Variants in GRIP1 observed in about 807,000 individuals in gnomAD.
GRIP1 encodes the protein glutamate receptor interacting protein 1.
Under a neutral mutation model 129.9 loss-of-function variants are expected in GRIP1, and 45 were observed. That is an observed-to-expected ratio of 0.35 (90% CI 0.27 to 0.44). The LOEUF is 0.44. Among genes scored for constraint, GRIP1 ranks in the 20% least tolerant of loss-of-function variants. GRIP1 has a pLI of 1.00. For synonymous variants in GRIP1, 530 were observed against 520.8 expected (o/e 1.02, Z -0.24); for missense variants, 1,196 against 1,396.8 (o/e 0.86, Z 2.29).
At chr12:66,575,456 C>T (rs1376354938) in intron 2 of GRIP1, among the ~76,000 whole-genome samples, 1 of 152,170 alleles carries the variant, frequency 6.6e-6, no homozygotes, top group Non-Finnish European at 1.5e-5. Flanking sequence ...CTAGATAACA[C>T]TTGATATAAT....
At chr12:66,430,733 A>G (rs1297797647) in intron 14 of GRIP1, among the ~76,000 whole-genome samples, 2 of 152,232 alleles carry the variant, frequency 1.3e-5, no homozygotes, top group Non-Finnish European at 2.9e-5. Context: ...GAATACATCT[A>G]TTGTATAAAA....
At chr12:66,741,335 C>G (rs924449014) in intron 1 of GRIP1, among the ~76,000 whole-genome samples, 1 of 152,144 alleles carries the variant, frequency 6.6e-6, no homozygotes, top group Admixed American at 6.6e-5. Flanking sequence ...TCTCTTTACT[C>G]ATCTCCACCT....
intron 9 of GRIP1, among the ~76,000 whole-genome samples, chr12:66,461,620 G>A (rs954940029): frequency 6.6e-6 from 1 of 152,162 alleles, no homozygotes; most frequent in African/African-American, 2.4e-5. Flanking sequence ...AATCTGATAA[G>A]GGTAATGTTG....
At chr12:66,451,024 G>A (rs1013069858) in intron 11 of GRIP1, among the ~76,000 whole-genome samples, 2 of 152,154 alleles carry the variant, frequency 1.3e-5, no homozygotes, top group Non-Finnish European at 2.9e-5. Flanking sequence ...CAAGCTACCG[G>A]CTTTGGCTGA....
intron 1 of GRIP1, among the ~76,000 whole-genome samples, chr12:66,696,616 A>G (rs1396084292): frequency 6.6e-6 from 1 of 151,472 alleles, no homozygotes; most frequent in East Asian, 1.9e-4. Flanking sequence ...CCCCGTCTCT[A>G]CTAAAAAAAA....
chr12:66,732,095 C>T (rs1156880307), intron 1 of GRIP1, among the ~76,000 whole-genome samples: 6 of 152,128 alleles, frequency 3.9e-5, no homozygotes, highest in Non-Finnish European at 7.4e-5. Flanking sequence ...TGTGGGTCCA[C>T]TTATATGTAG....
At chr12:67,054,070 A>G (rs895464264) in intron 1 of GRIP1, among the ~76,000 whole-genome samples, 2 of 152,200 alleles carry the variant, frequency 1.3e-5, no homozygotes, top group Non-Finnish European at 2.9e-5. Context: ...TAGGTCCCCA[A>G]TTCTTCTTCA....
chr12:66,517,854 C>T lies in GRIP1; in HGVS notation c.578+47G>A, dbSNP rs761354638. ...TCAACTTCTATGTTAAAGTCCCCAG[C>T]TTTATTTATTCTATTTTGGATAGTG... On this transcript the variant is annotated intron_variant, in intron 6 of 24. Coordinates refer to ENST00000359742, the MANE Select transcript of GRIP1 (RefSeq NM_001366722.1). 3.0e-6 allele frequency: 3 copies of T among 984,476 alleles called. No individual in the cohort carries two copies. In the South Asian group the frequency reaches 3.9e-5, roughly 13 times the overall value. The allele number at this position is 984,476 out of a possible 1,614,324, so 61.0% of individuals were successfully genotyped here.
intron 1 of GRIP1, among the ~76,000 whole-genome samples, chr12:66,672,181 T>C (rs1193377631): frequency 2.0e-5 from 3 of 152,232 alleles, no homozygotes. Context: ...TCTTTAGTGA[T>C]ATTTAGTTTT....
chr12:66,489,207 A>G (rs917239795), intron 7 of GRIP1, among the ~76,000 whole-genome samples: 6 of 152,204 alleles, frequency 3.9e-5, no homozygotes, highest in African/African-American at 7.2e-5. Context: ...ATGAACATCA[A>G]TGCAAAAATC....
chr12:66,873,007 C>A lies in GRIP1; in HGVS notation c.58+196043G>T, dbSNP rs367610235. 3.3e-5 allele frequency among the ~76,000 whole-genome samples: 5 copies of A among 152,194 alleles called. No homozygotes were observed. In the East Asian group the frequency reaches 7.7e-4, roughly 24 times the overall value. ...GGCAATGCTTCTCACTAAATCACAT[C>A]TGTTGCCTGGGCTGATAAGACTCAA... On this transcript the variant is annotated intron_variant, in intron 1 of 1. Transcript: ENST00000643019.
intron 1 of GRIP1, among the ~76,000 whole-genome samples, chr12:67,046,336 A>T (rs1565654086): frequency 6.6e-6 from 1 of 152,112 alleles, no homozygotes; most frequent in Non-Finnish European, 1.5e-5. Context: ...ATCAAATCTC[A>T]AGTGAAAAAA....
rs867574438 is a variant in GRIP1, at chr12:66,476,821, T to G, written c.725-11399A>C. The stretch of plus-strand genomic sequence containing the variant: ...CTGCAGAAAAGGCCTTTGACAATAT[T>G]CAACAGCCCTTCATGCTAAAAACTC... On this transcript the variant is annotated intron_variant, in intron 7 of 24. Coordinates refer to ENST00000359742, the MANE Select transcript of GRIP1 (RefSeq NM_001366722.1). 2.0e-5 allele frequency among the ~76,000 whole-genome samples: 3 copies of G among 152,168 alleles called. No homozygotes were observed. The South Asian group carries it at 6.2e-4, about 32-fold the overall frequency.
At chr12:66,965,441 G>A (rs1334974814) in intron 1 of GRIP1, among the ~76,000 whole-genome samples, 1 of 151,712 alleles carries the variant, frequency 6.6e-6, no homozygotes, top group Non-Finnish European at 1.5e-5. Context: ...CTTCAATATG[G>A]TAGATCTTCA....
At chr12:66,457,908 A>G (rs1379024112) in intron 9 of GRIP1, among the ~76,000 whole-genome samples, 2 of 152,184 alleles carry the variant, frequency 1.3e-5, no homozygotes, top group African/African-American at 4.8e-5. Flanking sequence ...GAAATCATCT[A>G]CCTCACAGGG....
intron 3 of GRIP1, among the ~76,000 whole-genome samples, chr12:66,540,137 A>G (rs1356201117): frequency 6.6e-6 from 1 of 152,198 alleles, no homozygotes; most frequent in African/African-American, 2.4e-5. Flanking sequence ...ATGCTCTGTA[A>G]TAACTTCTGT....
At chr12:66,675,731 GA>G (rs1449786998) in intron 1 of GRIP1, among the ~76,000 whole-genome samples, 2 of 152,190 alleles carry the variant, frequency 1.3e-5, no homozygotes, top group African/African-American at 2.4e-5. Context: ...TCTCATTCTG[GA>G]GGAAGAAAAG....
Position 66,529,889 on chromosome 12 carries a change from G to A in GRIP1, c.444C>T (p.Phe148=), listed in dbSNP as rs1161114853. Residue 148 remains phenylalanine (F), a synonymous_variant, in exon 5 of 25, where the codon TTC becomes TTT. Transcript: ENST00000359742. ...PVSVQGSSVI[F]RTVEVTLHKE... is the part of the protein sequence containing the mutation. ...TATGTAATGTGACCTCCACTGTTCG[G>A]AAAATAACACTTGATCCTTGCACAG... The A allele has an allele frequency of 3.7e-6, 6 of 1,601,684 alleles. No homozygotes were observed. The highest frequency in any genetic ancestry group is 5.1e-6 in the Non-Finnish European group (6 of 1,168,828).
Position 66,667,383 on chromosome 12 carries a change from G to A in GRIP1, c.55+11467C>T, listed in dbSNP as rs145533346. On this transcript the variant is annotated intron_variant, in intron 1 of 24. Transcript: ENST00000359742. The stretch of plus-strand genomic sequence containing the variant: ...ATGCAATATTCACTTGAATGCTTCT[G>A]AGGCTACTCATTAGAATTTTTAAAA... Among the ~76,000 whole-genome samples, 711 of 152,212 alleles carry A rather than the reference G, an allele frequency of 4.7e-3. 4 individuals carry two copies. Among genetic ancestry groups the A allele is most frequent in the African/African-American group, 0.016 (676 of 41,528 alleles).
Sources: gnomAD v4.1 joint callset for allele counts (sites outside exome capture counted in the v4.1 genomes callset) on GRCh38, gnomAD v4.1.1 for gene constraint, MANE v1.5 for transcripts, NCBI Gene and HGNC (gene_info 2026-07-23, HGNC 2026-07-21) for gene names.